The following PDC variants were observed in gnomAD, a reference collection of about 807,000 sequenced individuals.
PDC encodes 33 kDa phototransducing protein.
A neutral mutation model predicts 22.2 loss-of-function variants in PDC; 19 were observed. That is an observed-to-expected ratio of 0.86 (90% confidence interval 0.60 to 1.26). The LOEUF is 1.26. PDC is among the 50% of genes most tolerant of loss of function. The pLI is 0.00. For synonymous variants in PDC, 97 were observed against 96.2 expected (o/e 1.01, Z -0.05); for missense variants, 274 against 286.8 (o/e 0.96, Z 0.32).
chr1:186,445,686 T>G (rs1449566296), intron 3 of PDC, among the ~76,000 whole-genome samples: 1 of 152,072 alleles, frequency 6.6e-6, no homozygotes, highest in Non-Finnish European at 1.5e-5. Flanking sequence ...CCCAGCTACT[T>G]GGGAGGCTGT....
intron 1 of PDC, among the ~76,000 whole-genome samples, chr1:186,460,076 C>A (rs1014813476): frequency 1.3e-5 from 2 of 151,944 alleles, no homozygotes; most frequent in African/African-American, 4.8e-5. Context: ...AAATTAAAAA[C>A]CACCAACAAA....
intron 1 of PDC, among the ~76,000 whole-genome samples, chr1:186,460,577 C>T (rs1409519849): frequency 1.3e-5 from 2 of 152,146 alleles, no homozygotes; most frequent in African/African-American, 2.4e-5. Context: ...AGGAAAACAA[C>T]ATAGTATACA....
intron 2 of PDC, chr1:186,448,611 T>C (rs1399494865): frequency 8.4e-5 from 57 of 677,990 alleles, no homozygotes; most frequent in Non-Finnish European, 1.0e-4. Context: ...TTCCTTTTTA[T>C]AAATGAATTT....
intron 1 of PDC, among the ~76,000 whole-genome samples, chr1:186,454,436 A>G (rs1230993609): frequency 6.7e-6 from 1 of 149,304 alleles, no homozygotes; most frequent in Admixed American, 6.6e-5. Flanking sequence ...AGCCTCCCAA[A>G]GTGGCTGGGA....
In PDC at chr1:186,455,994, AATATAT is replaced by A. The variant is rs71104863; in HGVS notation, c.-25+5059_-25+5064del. On this transcript the variant is annotated intron_variant, in intron 1 of 3. Coordinates refer to ENST00000391997, the MANE Select transcript of PDC (RefSeq NM_002597.5). Reference sequence around the variant, plus strand: ...CTCAAAAAAAAAAAAAAAAAAAAAAAATATATATATATATATATATATATATATATA... The same window carrying A: ...CTCAAAAAAAAAAAAAAAAAAAAAAAATATATATATATATATATATATATA... Among the ~76,000 whole-genome samples, 734 of 76,832 alleles carry A rather than the reference AATATAT, an allele frequency of 9.6e-3. 24 individuals carry two copies. Among genetic ancestry groups the A allele is most frequent in the Middle Eastern group, 0.066 (5 of 76 alleles). 50.4% of individuals were successfully genotyped at this position (76,832 alleles called of 152,430 possible).
At chr1:186,449,366 T>G in intron 2 of PDC, 33 bp downstream of exon 2, 1 of 1,390,338 alleles carries the variant, frequency 7.2e-7, no homozygotes, top group Non-Finnish European at 1.0e-6. Flanking sequence ...TAATTTTAAT[T>G]TAATAATTAT....
At chr1:186,448,667 G>A (rs1257640991) in intron 2 of PDC, 2 of 959,840 alleles carry the variant, frequency 2.1e-6, no homozygotes, top group Non-Finnish European at 2.5e-6. Flanking sequence ...TTTTGTTTTT[G>A]TCATAATTAG....
chr1:186,448,038 A>G (rs1191487935), intron 2 of PDC, among the ~76,000 whole-genome samples: 2 of 151,950 alleles, frequency 1.3e-5, no homozygotes, highest in Non-Finnish European at 2.9e-5. Context: ...GATATACATA[A>G]TTGACTTAAA....
chr1:186,452,632 T>A (rs1210918015), intron 1 of PDC, among the ~76,000 whole-genome samples: 2 of 152,200 alleles, frequency 1.3e-5, no homozygotes, highest in African/African-American at 4.8e-5. Context: ...TAAAAATACA[T>A]CTTTTACATA....
Position 186,446,421 on chromosome 1 carries a change from CT to C in PDC, c.213+4del. 1 of 1,579,092 alleles carries C rather than the reference CT, an allele frequency of 6.3e-7. No homozygotes were observed. Among genetic ancestry groups the C allele is most frequent in the African/African-American group, 1.4e-5 (1 of 74,006 alleles). On this transcript the variant is annotated splice_donor_region_variant and intron_variant, in intron 3 of 3. Transcript: ENST00000391997. The stretch of plus-strand genomic sequence containing the variant: ...TATTTATTACTGCTTTTTGTATTAT[CT>C]TACCTTTCTGCTGACTCGTTCCTTT...
At chr1:186,454,258 T>C (rs1662411195) in intron 1 of PDC, among the ~76,000 whole-genome samples, 1 of 149,452 alleles carries the variant, frequency 6.7e-6, no homozygotes, top group South Asian at 2.1e-4. Context: ...CTGCTACTTC[T>C]GCCTCCCGGG....
At chr1:186,459,762 A>ATATATATG (rs1662543294) in intron 1 of PDC, among the ~76,000 whole-genome samples, 1 of 93,096 alleles carries the variant, frequency 1.1e-5, no homozygotes, top group Non-Finnish European at 2.0e-5. Flanking sequence ...GTATATATAT[A>ATATATATG]TATATATATA....
At chr1:186,444,673 GT>G (rs1662184314) in intron 3 of PDC, among the ~76,000 whole-genome samples, 167 bp from the exon 4 acceptor site, 1 of 151,882 alleles carries the variant, frequency 6.6e-6, no homozygotes, top group South Asian at 2.1e-4. Context: ...TGAAGCTTTT[GT>G]TTAAATGTCA....
At chr1:186,445,182 A>AG (rs1240371467) in intron 3 of PDC, among the ~76,000 whole-genome samples, 1 of 152,238 alleles carries the variant, frequency 6.6e-6, no homozygotes, top group African/African-American at 2.4e-5. Context: ...CAACCAAAAA[A>AG]GAAAAAAAGG....
At chr1:186,454,328 G>A (rs930813055) in intron 1 of PDC, among the ~76,000 whole-genome samples, 3 of 151,860 alleles carry the variant, frequency 2.0e-5, no homozygotes, top group Admixed American at 6.6e-5. Context: ...ACAGGCACAC[G>A]CCACTATGCC....
chr1:186,451,906 TA>T (rs1391875312), intron 1 of PDC, among the ~76,000 whole-genome samples: 3 of 152,324 alleles, frequency 2.0e-5, no homozygotes, highest in Non-Finnish European at 1.5e-5. Flanking sequence ...TACTAAGACT[TA>T]AATCAACTGG....
Position 186,444,516 on chromosome 1 carries a change from A to T in PDC, c.214-10T>A. On this transcript the variant is annotated splice_polypyrimidine_tract_variant and intron_variant, in intron 3 of 3. Coordinates refer to ENST00000391997, the MANE Select transcript of PDC (RefSeq NM_002597.5). ...ATTCTTGAATGCTCATCTGAGAATA[A>T]AGAAATGATAGAAATTATTAAGTCA... is the stretch of plus-strand genomic sequence containing the variant. 1 of 1,528,094 alleles carries T rather than the reference A, an allele frequency of 6.5e-7. No individual in the cohort carries two copies. Among genetic ancestry groups the T allele is most frequent in the Non-Finnish European group, 9.0e-7 (1 of 1,111,444 alleles). The allele number at this position is 1,528,094 out of a possible 1,614,324, so 94.7% of individuals were successfully genotyped here.
In PDC at chr1:186,444,187, C is replaced by T; in HGVS notation, c.533G>A (p.Gly178Glu). 1 of 1,613,848 alleles carries T rather than the reference C, an allele frequency of 6.2e-7. No individual in the cohort carries two copies. Among genetic ancestry groups the T allele is most frequent in the South Asian group, 1.1e-5 (1 of 91,066 alleles). ...CKIKASNTGAGDRFSLDVLPT... is the reference protein window; with the variant it reads ...CKIKASNTGAEDRFSLDVLPT... ...AAGTACATCTAAGGAAAAGCGGTCC[C>T]CAGCACCTGTATTCGAAGCTTTTAT... Residue 178 changes from glycine to glutamate, a missense_variant, in exon 4 of 4, where the codon GGG becomes GAG. By Grantham distance (98) the Gly-to-Glu change is moderately conservative (BLOSUM62 -2). Coordinates refer to ENST00000391997, the MANE Select transcript of PDC (RefSeq NM_002597.5).
At chr1:186,457,032 C>T (rs1051194338) in intron 1 of PDC, among the ~76,000 whole-genome samples, 3 of 152,124 alleles carry the variant, frequency 2.0e-5, no homozygotes, top group Non-Finnish European at 2.9e-5. Context: ...TCTAGTCACC[C>T]TTGCAGGGCT....
Sources: allele counts gnomAD v4.1 joint callset (sites outside exome capture counted in the v4.1 genomes callset), GRCh38; gene constraint gnomAD v4.1.1; transcripts MANE v1.5; gene names NCBI Gene and HGNC (gene_info 2026-07-23, HGNC 2026-07-21).